NTM: variants seen among roughly 807,000 people sequenced by gnomAD.
The protein encoded by NTM is neurotrimin.
NTM carries 13 observed loss-of-function variants against 42.1 expected under a neutral mutation model. The ratio of observed to expected loss-of-function variants is 0.31; its 90% CI spans 0.20 to 0.49. The LOEUF is 0.49. Ranked by LOEUF, NTM falls within the 20% of genes least tolerant of loss-of-function variation. The probability of loss-of-function intolerance (pLI) is 0.99; values close to 1 mark genes in which losing one functional copy is unlikely to be tolerated. For synonymous variants in NTM, 187 were observed against 179.2 expected, an observed-to-expected ratio of 1.04 and a Z score of -0.35; for missense variants, 373 against 452.8, an observed-to-expected ratio of 0.82 and a Z score of 1.60.
At chr11:132,230,697 A>T (rs1020270335) in intron 4 of NTM, among the ~76,000 whole-genome samples, 2 of 152,218 alleles carry the variant, frequency 1.3e-5, no homozygotes, top group African/African-American at 4.8e-5. Flanking sequence ...ATATGAGGTA[A>T]CTCATGTAAA....
chr11:132,144,077 G>C (rs1194314489), intron 2 of NTM, among the ~76,000 whole-genome samples: 2 of 152,216 alleles, frequency 1.3e-5, no homozygotes, highest in African/African-American at 4.8e-5. Flanking sequence ...CTGAGTTTCT[G>C]CATTTCTGAT....
chr11:131,977,552 T>C (rs2064591924), intron 2 of NTM, among the ~76,000 whole-genome samples: 1 of 152,226 alleles, frequency 6.6e-6, no homozygotes, highest in African/African-American at 2.4e-5. Flanking sequence ...TCTTAAGGTC[T>C]TGCCAGCTCA....
Position 132,313,563 on chromosome 11 carries a change from GT to G in NTM, c.783-987del, listed in dbSNP as rs140211245. Among the ~76,000 whole-genome samples the G allele has an allele frequency of 5.1e-3, 781 of 152,218 alleles. 8 individuals are homozygous for G. Among genetic ancestry groups the G allele is most frequent in the African/African-American group, 0.018 (735 of 41,494 alleles). On this transcript the variant is annotated intron_variant, in intron 6 of 8. Transcript: ENST00000683400. Reference sequence around the variant, plus strand: ...GTTTGTTTCAGGGAAAAAGTAAAAGGTTGGCTTAAAGCTCATTCTAAGAAAT... The same window carrying G: ...GTTTGTTTCAGGGAAAAAGTAAAAGGTGGCTTAAAGCTCATTCTAAGAAAT...
At chr11:131,929,717 A>G (rs1385117577) in intron 2 of NTM, among the ~76,000 whole-genome samples, 2 of 152,036 alleles carry the variant, frequency 1.3e-5, no homozygotes, top group Non-Finnish European at 2.9e-5. Flanking sequence ...GTAAGACGCC[A>G]CTTCCAATGG....
At chr11:132,163,411 TG>T (rs1168072353) in intron 3 of NTM, among the ~76,000 whole-genome samples, 1 of 152,258 alleles carries the variant, frequency 6.6e-6, no homozygotes, top group Non-Finnish European at 1.5e-5. Context: ...GCAATGATAA[TG>T]CTATTTTTAT....
intron 4 of NTM, among the ~76,000 whole-genome samples, chr11:132,212,651 T>C (rs1269907423): frequency 6.6e-6 from 1 of 152,192 alleles, no homozygotes; most frequent in Non-Finnish European, 1.5e-5. Context: ...AGAACAAATA[T>C]AACTTAATAT....
chr11:131,948,351 TGA>T (rs1362201985), intron 2 of NTM, among the ~76,000 whole-genome samples: 2 of 137,442 alleles, frequency 1.5e-5, no homozygotes, highest in African/African-American at 5.7e-5. Flanking sequence ...GGTGACACAG[TGA>T]GACTCCATCT....
intron 1 of NTM, among the ~76,000 whole-genome samples, chr11:131,804,648 A>C (rs2136257092): frequency 6.6e-6 from 1 of 152,268 alleles, no homozygotes; most frequent in African/African-American, 2.4e-5. Flanking sequence ...ATCTTCTCTC[A>C]GCCAACCTGA....
chr11:132,195,469 C>CA lies in NTM; in HGVS notation c.401-16553_401-16552insA, dbSNP rs1566440098. Reference sequence around the variant, plus strand: ...AAACTGTACTAAAATCTATATAGAACCAAAAAAAAAAAAGACCCCATATAG... The same window carrying CA: ...AAACTGTACTAAAATCTATATAGAACACAAAAAAAAAAAAGACCCCATATAG... On this transcript the variant is annotated intron_variant, in intron 3 of 8. Coordinates refer to ENST00000683400, the MANE Select transcript of NTM (RefSeq NM_001352005.2). 1.6e-4 allele frequency among the ~76,000 whole-genome samples: 24 copies of CA among 146,430 alleles called. 1 individual carries two copies. The highest frequency in any genetic ancestry group is 6.0e-4 in the African/African-American group (23 of 38,390).
At chr11:131,561,141 G>A (rs1342393449) in intron 1 of NTM, among the ~76,000 whole-genome samples, 1 of 152,204 alleles carries the variant, frequency 6.6e-6, no homozygotes, top group African/African-American at 2.4e-5. Context: ...GGGTTATTTC[G>A]GTGGCAGCAG....
chr11:131,576,321 A>G (rs1232405834), intron 1 of NTM, among the ~76,000 whole-genome samples: 1 of 152,190 alleles, frequency 6.6e-6, no homozygotes, highest in Non-Finnish European at 1.5e-5. Flanking sequence ...TCTTCTTTCA[A>G]AAGAACCAGG....
intron 2 of NTM, among the ~76,000 whole-genome samples, chr11:131,974,221 G>A (rs1438867663): frequency 2.6e-5 from 4 of 152,106 alleles, no homozygotes; most frequent in South Asian, 2.1e-4. Context: ...GTTATATCCA[G>A]ATTTTCAACT....
chr11:132,135,517 C>A (rs1356477033), intron 2 of NTM, among the ~76,000 whole-genome samples: 1 of 152,214 alleles, frequency 6.6e-6, no homozygotes, highest in Non-Finnish European at 1.5e-5. Context: ...GGAAGCCAGG[C>A]AGGACAGGGC....
intron 1 of NTM, chr11:131,773,931 A>G: frequency 1.2e-6 from 1 of 823,008 alleles, no homozygotes; most frequent in Non-Finnish European, 1.5e-6. Context: ...GACTCACTGT[A>G]CAATTCCCAC....
chr11:132,028,518 C>T (rs1012909297), intron 2 of NTM, among the ~76,000 whole-genome samples: 3 of 152,046 alleles, frequency 2.0e-5, no homozygotes, highest in African/African-American at 7.2e-5. Flanking sequence ...TTTCCATTCC[C>T]CTCTTGTTAT....
chr11:131,465,664 A>G (rs891845424), intron 1 of NTM, among the ~76,000 whole-genome samples: 1 of 152,234 alleles, frequency 6.6e-6, no homozygotes, highest in African/African-American at 2.4e-5. Context: ...AAGTCAATAA[A>G]GTATTGAATT....
chr11:131,913,622 G>A (rs2055714242), intron 2 of NTM, among the ~76,000 whole-genome samples: 1 of 151,846 alleles, frequency 6.6e-6, no homozygotes, highest in Admixed American at 6.6e-5. Context: ...TCATTCTGCC[G>A]GTCCCCCTCT....
At chr11:131,521,054 G>A (rs148061402) in intron 1 of NTM, among the ~76,000 whole-genome samples, 2,558 of 152,094 alleles carry the variant, frequency 0.017, 74 homozygotes, top group African/African-American at 0.057. Flanking sequence ...GCCAGGCGTG[G>A]TGGCTCATGC....
At chr11:131,911,477 C>G in intron 1 of NTM, 87 bp from the exon 2 acceptor site, 1 of 1,614,016 alleles carries the variant, frequency 6.2e-7, no homozygotes, top group Non-Finnish European at 8.5e-7. Context: ...TTGTGGCTGT[C>G]GAGAATGGGG....
Sources: allele counts gnomAD v4.1 joint callset (sites outside exome capture counted in the v4.1 genomes callset), GRCh38; gene constraint gnomAD v4.1.1; transcripts MANE v1.5; gene names NCBI Gene and HGNC (gene_info 2026-07-23, HGNC 2026-07-21).